PLCB1: variants seen among roughly 807,000 people sequenced by gnomAD.
The protein encoded by PLCB1 is phospholipase C beta 1.
Under a neutral mutation model 161.8 loss-of-function variants are expected in PLCB1, and 46 were observed. The ratio of observed to expected loss-of-function variants is 0.28; its 90% confidence interval spans 0.22 to 0.36. The LOEUF is 0.36. Ranked by LOEUF, PLCB1 falls within the 10% of genes least tolerant of loss-of-function variation. The pLI, the probability that PLCB1 is intolerant of heterozygous loss-of-function variation, is 1.00. For synonymous variants in PLCB1, 517 were observed against 503.7 expected (o/e 1.03, Z -0.35); for missense variants, 1,016 against 1,472.5 (o/e 0.69, Z 5.07).
intron 2 of PLCB1, among the ~76,000 whole-genome samples, chr20:8,312,825 C>G (rs931860243): frequency 6.6e-6 from 1 of 151,110 alleles, no homozygotes; most frequent in African/African-American, 2.5e-5. Flanking sequence ...AAGCCTCCAT[C>G]TTTTCTCTAT....
chr20:8,439,349 C>G (rs1250453047), intron 3 of PLCB1, among the ~76,000 whole-genome samples: 1 of 152,118 alleles, frequency 6.6e-6, no homozygotes, highest in Non-Finnish European at 1.5e-5. Flanking sequence ...CAAACAATAC[C>G]TAAAAAAGAA....
intron 4 of PLCB1, among the ~76,000 whole-genome samples, chr20:8,638,644 CT>C (rs1988844824): frequency 6.6e-6 from 1 of 152,126 alleles, no homozygotes; most frequent in Admixed American, 6.5e-5. Flanking sequence ...TGATCATTGC[CT>C]TTCCAACCCC....
At chr20:8,794,406 C>T (rs1009737234) in intron 31 of PLCB1, among the ~76,000 whole-genome samples, 7 of 152,220 alleles carry the variant, frequency 4.6e-5, no homozygotes, top group Non-Finnish European at 7.3e-5. Context: ...TCACAATCCA[C>T]GTTCTTCTGC....
intron 2 of PLCB1, among the ~76,000 whole-genome samples, chr20:8,347,579 T>G (rs1986037889): frequency 6.6e-6 from 1 of 152,212 alleles, no homozygotes; most frequent in Admixed American, 6.5e-5. Flanking sequence ...ATGTAAGTAA[T>G]TGATAGATAT....
intron 20 of PLCB1, among the ~76,000 whole-genome samples, chr20:8,737,767 A>T (rs900120858): frequency 6.6e-6 from 1 of 152,006 alleles, no homozygotes; most frequent in Admixed American, 6.6e-5. Flanking sequence ...TTTTTAGCCT[A>T]CTCTTTGCTT....
chr20:8,752,582 C>T (rs1282996303), intron 23 of PLCB1, among the ~76,000 whole-genome samples: 2 of 152,074 alleles, frequency 1.3e-5, no homozygotes, highest in Admixed American at 1.3e-4. Context: ...CACTTGAGGT[C>T]AGGAGTTCGA....
chr20:8,313,409 G>A (rs1984498031), intron 2 of PLCB1, among the ~76,000 whole-genome samples: 1 of 152,058 alleles, frequency 6.6e-6, no homozygotes, highest in African/African-American at 2.4e-5. Flanking sequence ...TGACAGAAGA[G>A]CAAAGATGAG....
chr20:8,636,476 C>T (rs946095320), intron 4 of PLCB1, among the ~76,000 whole-genome samples: 7 of 152,194 alleles, frequency 4.6e-5, no homozygotes, highest in Non-Finnish European at 1.5e-5. Flanking sequence ...ACAACTTAAA[C>T]TTTTATATTG....
intron 11 of PLCB1, among the ~76,000 whole-genome samples, chr20:8,704,984 C>CTTTTTTTTTTTTT (rs368791318): frequency 1.3e-4 from 16 of 118,792 alleles, no homozygotes; most frequent in African/African-American, 3.6e-4. Flanking sequence ...CTCCTTTACT[C>CTTTTTTTTTTTTT]TTTTTTTTTT....
At chr20:8,481,636 T>C (rs1294031935) in intron 3 of PLCB1, among the ~76,000 whole-genome samples, 1 of 152,216 alleles carries the variant, frequency 6.6e-6, no homozygotes, top group Non-Finnish European at 1.5e-5. Context: ...CCTATAATAG[T>C]CCTTAATTAC....
At chr20:8,738,811 A>G (rs1193540174) in intron 20 of PLCB1, among the ~76,000 whole-genome samples, 4 of 152,194 alleles carry the variant, frequency 2.6e-5, no homozygotes, top group Admixed American at 2.6e-4. Flanking sequence ...CAACATCTCA[A>G]CTTTTTGTCT....
intron 3 of PLCB1, among the ~76,000 whole-genome samples, chr20:8,626,799 C>T (rs2123213058): frequency 6.6e-6 from 1 of 152,280 alleles, no homozygotes; most frequent in South Asian, 2.1e-4. Flanking sequence ...TCTCTTTGAA[C>T]CTTGTCTCAA....
chr20:8,816,920 T>C (rs1873421947), intron 31 of PLCB1, among the ~76,000 whole-genome samples: 2 of 152,218 alleles, frequency 1.3e-5, no homozygotes, highest in Non-Finnish European at 1.5e-5. Flanking sequence ...AACCACTTCT[T>C]TCAAGTGCCC....
intron 2 of PLCB1, among the ~76,000 whole-genome samples, chr20:8,197,654 T>C (rs1453694630): frequency 6.6e-6 from 1 of 152,208 alleles, no homozygotes; most frequent in African/African-American, 2.4e-5. Context: ...GCAGAAACTC[T>C]TTAGTTTCAT....
chr20:8,708,792 A>C (rs1865008174), intron 12 of PLCB1, 40 bp downstream of exon 12: 1 of 1,157,414 alleles, frequency 8.6e-7, no homozygotes, highest in African/African-American at 1.5e-5. Context: ...CTTTTTCCCG[A>C]ATAGGGCATA....
At chr20:8,138,790 C>A (rs1456853423) in intron 1 of PLCB1, among the ~76,000 whole-genome samples, 1 of 152,118 alleles carries the variant, frequency 6.6e-6, no homozygotes, top group Non-Finnish European at 1.5e-5. Context: ...CTTTAAGAGT[C>A]TCTCTGGTTT....
intron 31 of PLCB1, among the ~76,000 whole-genome samples, chr20:8,877,534 C>A (rs933920279): frequency 6.6e-6 from 1 of 152,184 alleles, no homozygotes; most frequent in East Asian, 1.9e-4. Context: ...ATCTCTAGCT[C>A]TTCAGAAACC....
intron 2 of PLCB1, among the ~76,000 whole-genome samples, chr20:8,295,856 C>G (rs1199959596): frequency 1.3e-5 from 2 of 152,036 alleles, no homozygotes; most frequent in Non-Finnish European, 2.9e-5. Flanking sequence ...ACTACAGTTG[C>G]ACACCACCAC....
At chr20:8,215,598 C>T (rs905503198) in intron 2 of PLCB1, among the ~76,000 whole-genome samples, 1 of 152,046 alleles carries the variant, frequency 6.6e-6, no homozygotes. Context: ...AATTCTCTCA[C>T]AACAGTCCTA....
Sources: gnomAD v4.1 joint callset for allele counts (sites outside exome capture counted in the v4.1 genomes callset) on GRCh38, gnomAD v4.1.1 for gene constraint, MANE v1.5 for transcripts, NCBI Gene and HGNC (gene_info 2026-07-23, HGNC 2026-07-21) for gene names.